The following GLDN variants were observed in gnomAD, a reference collection of about 807,000 sequenced individuals.
GLDN encodes the protein collomin.
A neutral mutation model predicts 56.5 loss-of-function variants in GLDN; 47 were observed. The ratio of observed to expected loss-of-function variants is 0.83; its 90% CI spans 0.66 to 1.06. The LOEUF (loss-of-function observed/expected upper bound fraction) is 1.06. GLDN is among the 50% of genes least tolerant of loss of function. The pLI is 0.00. For synonymous variants in GLDN, 332 were observed against 278.8 expected, an observed-to-expected ratio of 1.19 and a Z score of -1.90; for missense variants, 782 against 714.3, an observed-to-expected ratio of 1.09 and a Z score of -1.08.
intron 4 of GLDN, among the ~76,000 whole-genome samples, chr15:51,390,341 G>A (rs1326012768): frequency 1.3e-5 from 2 of 152,208 alleles, no homozygotes; most frequent in East Asian, 1.9e-4. Context: ...AAGTGGAAGT[G>A]TTCTGTATTC....
chr15:51,400,047 C>A, intron 6 of GLDN, 145 bp from the exon 7 acceptor site: 2 of 695,380 alleles, frequency 2.9e-6, no homozygotes, highest in Non-Finnish European at 4.9e-6. Context: ...TGAAAGCAAG[C>A]AACCAAGGAA....
chr15:51,401,781 C>G (rs781339379), intron 9 of GLDN, 38 bp downstream of exon 9: 2 of 1,595,228 alleles, frequency 1.3e-6, no homozygotes, highest in South Asian at 2.3e-5. Flanking sequence ...GCCTCTCAGG[C>G]AGCACCTGTG....
Position 51,404,900 on chromosome 15 carries a change from T to G in GLDN, c.*146T>G. On this transcript the variant is annotated 3_prime_UTR_variant, in exon 10 of 10. Coordinates refer to ENST00000335449, the MANE Select transcript of GLDN (RefSeq NM_181789.4). Reference sequence around the variant, plus strand: ...TATATGGTCAGTGAGCCCCGCTTAGTGAAATAGCAACAGATTGGAAGTTGA... The same window carrying G: ...TATATGGTCAGTGAGCCCCGCTTAGGGAAATAGCAACAGATTGGAAGTTGA... 1 of 637,978 alleles carries G rather than the reference T, an allele frequency of 1.6e-6. No individual in the cohort carries two copies. The highest frequency in any genetic ancestry group is 1.9e-5 in the South Asian group (1 of 53,294). 39.5% of individuals were successfully genotyped at this position (637,978 alleles called of 1,614,324 possible).
downstream of GLDN, among the ~76,000 whole-genome samples, chr15:51,412,298 C>T (rs759690677): frequency 1.3e-5 from 2 of 152,170 alleles, no homozygotes; most frequent in Non-Finnish European, 2.9e-5. Flanking sequence ...ACCTACGATT[C>T]CTCTATGCTT....
chr15:51,400,113 G>T (rs886996582), intron 6 of GLDN, 79 bp from the exon 7 acceptor site: 1 of 1,197,600 alleles, frequency 8.4e-7, no homozygotes, highest in East Asian at 2.4e-5. Flanking sequence ...ATGAGGTGGG[G>T]AAGAGCAGCA....
intron 1 of GLDN, among the ~76,000 whole-genome samples, chr15:51,347,249 T>C (rs1449998611): frequency 6.6e-6 from 1 of 152,134 alleles, no homozygotes; most frequent in Non-Finnish European, 1.5e-5. Context: ...AAATGTCTCA[T>C]AAGCACATGG....
At chr15:51,351,608 C>T (rs1048753361) in intron 1 of GLDN, among the ~76,000 whole-genome samples, 1 of 152,212 alleles carries the variant, frequency 6.6e-6, no homozygotes, top group Non-Finnish European at 1.5e-5. Context: ...CCTTCTCAAG[C>T]TCTCATGCCA....
Position 51,377,455 on chromosome 15 carries a change from G to A in GLDN, c.370G>A (p.Val124Met). The change falls in exon 2 of 10, where the codon GTG becomes ATG. Residue 124 changes from valine to methionine, a missense_variant. By Grantham distance (21) the Val-to-Met change is conservative (BLOSUM62 1). Coordinates refer to ENST00000335449, the MANE Select transcript of GLDN (RefSeq NM_181789.4). The stretch of plus-strand genomic sequence containing the variant: ...GACCCTCTCTCCCCTGCAGATCCGA[G>A]TGATGGTGGACCTGTGCAACAGCAC... Reference protein sequence around the residue: ...MMTYSMVPIRVMVDLCNSTKG... With the variant: ...MMTYSMVPIRMMVDLCNSTKG... 1.9e-6 allele frequency: 3 copies of A among 1,613,974 alleles called. No individual in the cohort carries two copies. The highest frequency in any genetic ancestry group is 2.5e-6 in the Non-Finnish European group (3 of 1,179,874).
chr15:51,379,893 G>A (rs1036247701), intron 2 of GLDN, among the ~76,000 whole-genome samples: 19 of 152,176 alleles, frequency 1.2e-4, no homozygotes, highest in African/African-American at 4.1e-4. Context: ...TTTGGTGTGA[G>A]TTTTTATCTG....
intron 2 of GLDN, among the ~76,000 whole-genome samples, chr15:51,382,768 A>AGTGCTCAT (rs1306312195): frequency 6.6e-6 from 1 of 152,106 alleles, no homozygotes; most frequent in Non-Finnish European, 1.5e-5. Flanking sequence ...AAGGAACTCA[A>AGTGCTCAT]GTGCTCATGT....
chr15:51,365,282 A>C (rs1392090892), intron 1 of GLDN, among the ~76,000 whole-genome samples: 1 of 151,738 alleles, frequency 6.6e-6, no homozygotes, highest in Non-Finnish European at 1.5e-5. Flanking sequence ...TTTTTCATTA[A>C]TTTTCTTTAT....
At chr15:51,343,937 C>T (rs1024306782) in intron 1 of GLDN, among the ~76,000 whole-genome samples, 4 of 152,192 alleles carry the variant, frequency 2.6e-5, no homozygotes, top group South Asian at 2.1e-4. Context: ...TTGGTGAGTT[C>T]GGTGCAGATG....
chr15:51,359,162 T>G (rs2037243190), intron 1 of GLDN, among the ~76,000 whole-genome samples: 2 of 151,964 alleles, frequency 1.3e-5, no homozygotes, highest in Non-Finnish European at 2.9e-5. Flanking sequence ...CTCCAAGCCG[T>G]GGGAGGAGGA....
At chr15:51,374,668 T>A (rs2141083817) in intron 1 of GLDN, among the ~76,000 whole-genome samples, 1 of 152,268 alleles carries the variant, frequency 6.6e-6, no homozygotes, top group African/African-American at 2.4e-5. Flanking sequence ...CCATTTCATT[T>A]CATATATATG....
Position 51,359,941 on chromosome 15 carries a change from T to G in GLDN, c.364-17508T>G, listed in dbSNP as rs561683276. On this transcript the variant is annotated intron_variant, in intron 1 of 9. Coordinates refer to ENST00000335449, the MANE Select transcript of GLDN (RefSeq NM_181789.4). ...TTGCAGTGAGCCTAGATTGCGCCAC[T>G]GCACTCCAGCCTGGGCGACATTGTG... Among the ~76,000 whole-genome samples the G allele has an allele frequency of 1.2e-3, 165 of 140,506 alleles. 1 individual carries two copies. The highest frequency in any genetic ancestry group is 3.6e-3 in the African/African-American group (133 of 36,850). 92.2% of individuals were successfully genotyped at this position (140,506 alleles called of 152,430 possible).
At chr15:51,386,509 C>T (rs1218292390) in intron 4 of GLDN, among the ~76,000 whole-genome samples, 1 of 152,208 alleles carries the variant, frequency 6.6e-6, no homozygotes, top group African/African-American at 2.4e-5. Flanking sequence ...AGCAGGGCCA[C>T]TGAGGGCAAC....
chr15:51,343,406 C>T lies in GLDN; in HGVS notation c.363+1359C>T, dbSNP rs139541548. Among the ~76,000 whole-genome samples the T allele has an allele frequency of 7.5e-3, 1,144 of 152,290 alleles. 14 individuals carry two copies. The highest frequency in any genetic ancestry group is 0.026 in the African/African-American group (1,077 of 41,532). On this transcript the variant is annotated intron_variant, in intron 1 of 9. Transcript: ENST00000335449. ...ATTCTCGCCCTTTCAGCTCTCTACC[C>T]TACATTTTAAGGCTTTTAAAAAATC...
chr15:51,355,469 G>A (rs2037156670), intron 1 of GLDN, among the ~76,000 whole-genome samples: 1 of 151,652 alleles, frequency 6.6e-6, no homozygotes, highest in South Asian at 2.1e-4. Flanking sequence ...CATTTTGAAT[G>A]CCATCTTGGT....
intron 1 of GLDN, 62 bp downstream of exon 1, chr15:51,342,109 G>T: frequency 3.2e-6 from 5 of 1,575,034 alleles, no homozygotes; most frequent in Non-Finnish European, 4.3e-6. Flanking sequence ...GGTGTGGGGC[G>T]AGGACGCCGA....
Sources: allele counts gnomAD v4.1 joint callset (sites outside exome capture counted in the v4.1 genomes callset), GRCh38; gene constraint gnomAD v4.1.1; transcripts MANE v1.5; gene names NCBI Gene and HGNC (gene_info 2026-07-23, HGNC 2026-07-21).